PLD5: variants seen among roughly 807,000 people sequenced by gnomAD.
PLD5 encodes phospholipase D family member 5.
In PLD5, 36 loss-of-function variants were observed where a neutral mutation model predicts 61.1. The ratio of observed to expected loss-of-function variants is 0.59; its 90% confidence interval spans 0.45 to 0.78. The LOEUF (loss-of-function observed/expected upper bound fraction) is 0.78. PLD5 is among the 30% of genes least tolerant of loss of function. PLD5 has a pLI of 0.00. For missense variants in PLD5, 515 were observed against 644.4 expected, an observed-to-expected ratio of 0.80 and a Z score of 2.17; for synonymous variants, 243 against 242.8, an observed-to-expected ratio of 1.00 and a Z score of -0.01.
intron 1 of PLD5, among the ~76,000 whole-genome samples, chr1:242,509,880 G>C (rs889657327): frequency 3.9e-5 from 6 of 152,048 alleles, no homozygotes; most frequent in Non-Finnish European, 8.8e-5. Context: ...TGGAGAAAAA[G>C]CATCTTGAAA....
Position 242,107,716 on chromosome 1 carries a change from A to C in PLD5, c.1194T>G (p.Ser398=), listed in dbSNP as rs767346441. Residue 398 remains serine, a synonymous_variant, in exon 8 of 10, where the codon TCT becomes TCG. Coordinates refer to ENST00000536534, the MANE Select transcript of PLD5 (RefSeq NM_001372062.1). ...CTATTTCAGTGCAAATCGCTTTAAG[A>C]GATGAAATAAAGTTAAACGTAAGGG... is the stretch of plus-strand genomic sequence containing the variant. ...TDPLTFNFIS[S]LKAICTEIAN... 9 of 1,606,890 alleles carry C rather than the reference A, an allele frequency of 5.6e-6. No homozygotes were observed. The Admixed American group carries it at 1.6e-4, about 28-fold the overall frequency.
intron 7 of PLD5, among the ~76,000 whole-genome samples, 186 bp from the exon 8 acceptor site, chr1:242,108,025 T>G (rs1661200481): frequency 6.6e-6 from 1 of 152,100 alleles, no homozygotes; most frequent in Admixed American, 6.6e-5. Context: ...AAATGATGAT[T>G]TGCTGGGACC....
chr1:242,263,882 AG>A (rs1156317831), intron 4 of PLD5, among the ~76,000 whole-genome samples: 1 of 152,234 alleles, frequency 6.6e-6, no homozygotes, highest in East Asian at 1.9e-4. Flanking sequence ...AAAATCTGTT[AG>A]GCTTCCTAAT....
At chr1:242,202,081 GCACA>G (rs544127304) in intron 5 of PLD5, among the ~76,000 whole-genome samples, 255 of 152,268 alleles carry the variant, frequency 1.7e-3, no homozygotes, top group African/African-American at 5.9e-3. Flanking sequence ...CAGGCATGTA[GCACA>G]CACCTGTAAT....
At chr1:242,220,617 C>G (rs1670512158) in intron 4 of PLD5, among the ~76,000 whole-genome samples, 1 of 152,086 alleles carries the variant, frequency 6.6e-6, no homozygotes, top group Admixed American at 6.6e-5. Context: ...GAACCTTTCA[C>G]TTGCTTTTAC....
At chr1:242,295,042 G>A (rs1675572041) in intron 2 of PLD5, among the ~76,000 whole-genome samples, 1 of 152,198 alleles carries the variant, frequency 6.6e-6, no homozygotes, top group South Asian at 2.1e-4. Context: ...TCACATTAAT[G>A]AAGGGGAACA....
intron 4 of PLD5, chr1:242,235,622 T>C (rs1180716574): frequency 6.6e-6 from 1 of 152,160 alleles, no homozygotes; most frequent in South Asian, 2.1e-4. Flanking sequence ...GGAGACACTT[T>C]AGAAGAATCA....
chr1:242,283,586 C>A (rs946743011), intron 3 of PLD5, among the ~76,000 whole-genome samples: 3 of 152,096 alleles, frequency 2.0e-5, no homozygotes, highest in African/African-American at 7.2e-5. Flanking sequence ...AAGCTGTGAA[C>A]CTGACACATT....
chr1:242,182,569 G>A (rs138778926), intron 5 of PLD5, among the ~76,000 whole-genome samples: 296 of 152,256 alleles, frequency 1.9e-3, no homozygotes, highest in African/African-American at 6.9e-3. Context: ...CTGGCAGGGC[G>A]CAGTGGCTCA....
At chr1:242,340,577 T>A (rs1353031203) in intron 2 of PLD5, among the ~76,000 whole-genome samples, 1 of 152,054 alleles carries the variant, frequency 6.6e-6, no homozygotes, top group African/African-American at 2.4e-5. Context: ...TGGATATTTA[T>A]TGAAAATTTA....
chr1:242,313,029 C>T (rs397833032), intron 2 of PLD5, among the ~76,000 whole-genome samples: 5 of 152,304 alleles, frequency 3.3e-5, no homozygotes, highest in Admixed American at 6.5e-5. Flanking sequence ...TCTTCCTTAT[C>T]GTACCCACTA....
intron 5 of PLD5, among the ~76,000 whole-genome samples, chr1:242,176,216 TG>T (rs1413940509): frequency 2.6e-5 from 4 of 152,162 alleles, no homozygotes; most frequent in African/African-American, 9.7e-5. Context: ...AAAAACAGCA[TG>T]GTACTGGTAC....
chr1:242,242,819 T>C (rs402840), intron 4 of PLD5, among the ~76,000 whole-genome samples: 144,434 of 152,274 alleles, frequency 0.95, 68,972 homozygotes, highest in Non-Finnish European at 1. Context: ...TTTTAGAAAG[T>C]GAAAGAACTT....
At chr1:242,099,953 T>C (rs904224836) in intron 9 of PLD5, among the ~76,000 whole-genome samples, 2 of 152,186 alleles carry the variant, frequency 1.3e-5, no homozygotes, top group Admixed American at 1.3e-4. Context: ...CATGGACTCA[T>C]ATATATCATG....
At chr1:242,247,204 C>A (rs2841937) in intron 4 of PLD5, among the ~76,000 whole-genome samples, 40 of 152,024 alleles carry the variant, frequency 2.6e-4, no homozygotes, top group East Asian at 2.3e-3. Flanking sequence ...GGATGGTCTC[C>A]ATCTCCTGAC....
chr1:242,404,035 G>A (rs1341748561), intron 1 of PLD5, among the ~76,000 whole-genome samples: 1 of 152,202 alleles, frequency 6.6e-6, no homozygotes. Context: ...TGGACTGCCT[G>A]TAAATAGCAG....
chr1:242,220,245 T>C (rs758373657), intron 4 of PLD5, 130 bp from the exon 5 acceptor site: 14 of 1,254,454 alleles, frequency 1.1e-5, no homozygotes, highest in South Asian at 1.5e-5. Flanking sequence ...TAAATATTTA[T>C]GTTAGTTTGG....
At chr1:242,515,379 AT>A (rs1243071853) in intron 1 of PLD5, among the ~76,000 whole-genome samples, 1 of 152,056 alleles carries the variant, frequency 6.6e-6, no homozygotes, top group Non-Finnish European at 1.5e-5. Context: ...CACTCAGCTA[AT>A]TTTTTTGTAT....
intron 1 of PLD5, among the ~76,000 whole-genome samples, chr1:242,394,938 AAT>A (rs1491170110): frequency 1.3e-4 from 12 of 90,688 alleles, no homozygotes; most frequent in Admixed American, 2.7e-4. Context: ...ACATTATATG[AAT>A]ATATATGATT....
Sources: gnomAD v4.1 joint callset for allele counts (sites outside exome capture counted in the v4.1 genomes callset) on GRCh38, gnomAD v4.1.1 for gene constraint, MANE v1.5 for transcripts, NCBI Gene and HGNC (gene_info 2026-07-23, HGNC 2026-07-21) for gene names.